Variants in CEP350 observed in about 807,000 individuals in gnomAD.
CEP350 encodes centrosome-associated protein 350.
A neutral mutation model predicts 331.8 loss-of-function variants in CEP350; 126 were observed. The observed-to-expected ratio is 0.38, with a 90% CI of 0.33 to 0.44. The LOEUF (loss-of-function observed/expected upper bound fraction) is 0.44, where lower values mean the gene tolerates loss of function less well. Among genes scored for constraint, CEP350 ranks in the 20% least tolerant of loss-of-function variants. The pLI is 1.00. For synonymous variants in CEP350, 1,200 were observed against 1,259.5 expected (o/e 0.95, Z 1.00); for missense variants, 3,406 against 3,634.6 (o/e 0.94, Z 1.62).
intron 21 of CEP350, among the ~76,000 whole-genome samples, chr1:180,045,096 C>G (rs1657035653): frequency 6.6e-6 from 1 of 152,068 alleles, no homozygotes; most frequent in African/African-American, 2.4e-5. Context: ...GATTCCAGCA[C>G]TTTGGGAGGC....
In CEP350 at chr1:180,041,642, T is replaced by A. The variant is rs1040468609; in HGVS notation, c.4222-20T>A. 21 of 1,597,886 alleles carry A rather than the reference T, an allele frequency of 1.3e-5. No individual in the cohort carries two copies. Among genetic ancestry groups the A allele is most frequent in the Non-Finnish European group, 1.8e-5 (21 of 1,173,076 alleles). Reference sequence around the variant, plus strand: ...GGAGATTAAAACATAACTTCTTTTTTAAACCCCTTTTATTTAAAGGTCCAT... The same window carrying A: ...GGAGATTAAAACATAACTTCTTTTTAAAACCCCTTTTATTTAAAGGTCCAT... On this transcript the variant is annotated intron_variant, in intron 18 of 37. Transcript: ENST00000367607.
chr1:180,048,080 C>T (rs1489038964), intron 21 of CEP350, among the ~76,000 whole-genome samples: 2 of 152,118 alleles, frequency 1.3e-5, no homozygotes, highest in Non-Finnish European at 2.9e-5. Flanking sequence ...TGGTCAACAT[C>T]TAATATTGCA....
intron 5 of CEP350, 129 bp from the exon 6 acceptor site, chr1:179,996,424 G>C: frequency 1.5e-6 from 1 of 653,182 alleles, no homozygotes; most frequent in Non-Finnish European, 2.6e-6. Context: ...GCTAAATCAA[G>C]TTATTTAACA....
At chr1:179,986,458 C>T (rs1652652151) in intron 2 of CEP350, among the ~76,000 whole-genome samples, 1 of 152,060 alleles carries the variant, frequency 6.6e-6, no homozygotes, top group Non-Finnish European at 1.5e-5. Flanking sequence ...AAGCAGGAAT[C>T]CTTTTTTAAA....
At chr1:180,041,032 G>A in intron 17 of CEP350, 106 bp from the exon 18 acceptor site, 1 of 782,258 alleles carries the variant, frequency 1.3e-6, no homozygotes, top group Non-Finnish European at 2.0e-6. Flanking sequence ...GTTCTAATTA[G>A]TTGCTTCAAA....
chr1:179,994,956 C>T (rs555477372), intron 5 of CEP350, among the ~76,000 whole-genome samples: 1 of 152,242 alleles, frequency 6.6e-6, no homozygotes, highest in South Asian at 2.1e-4. Context: ...TATGCTTTTA[C>T]CTGAAATGCC....
intron 1 of CEP350, among the ~76,000 whole-genome samples, chr1:179,972,274 G>A (rs1250653607): frequency 2.0e-5 from 3 of 152,088 alleles, no homozygotes; most frequent in Non-Finnish European, 2.9e-5. Flanking sequence ...AGAGTATAGT[G>A]TTAGAAGCAA....
chr1:179,987,772 A>G, intron 3 of CEP350, among the ~76,000 whole-genome samples: 1 of 151,618 alleles, frequency 6.6e-6, no homozygotes, highest in East Asian at 1.9e-4. Context: ...ACCAAAAAAC[A>G]AAATTTAGCC....
chr1:180,101,998 G>C (rs1437591224), intron 37 of CEP350, among the ~76,000 whole-genome samples: 1 of 152,160 alleles, frequency 6.6e-6, no homozygotes, highest in South Asian at 2.1e-4. Context: ...AAAGCTTCAT[G>C]ACATCAGCAT....
In CEP350 at chr1:180,006,489, A is replaced by T; in HGVS notation, c.1168A>T (p.Ser390Cys). 6.5e-7 allele frequency: 1 copy of T among 1,547,792 alleles called. No homozygotes were observed. The highest frequency in any genetic ancestry group is 8.8e-7 in the Non-Finnish European group (1 of 1,142,244). The change falls in exon 8 of 38, where the codon AGT becomes TGT. Residue 390 changes from serine to cysteine, a missense_variant. Ser to Cys is a moderately radical substitution (Grantham distance 112). Coordinates refer to ENST00000367607, the MANE Select transcript of CEP350 (RefSeq NM_014810.5). ...TATAAAGGAGAAACCTGCTGAAAAA[A>T]GTAAAGAGAAGAAAGTAGTCAAGCC... is the stretch of plus-strand genomic sequence containing the variant. ...ISIKEKPAEK[S>C]KEKKVVKPVR...
intron 34 of CEP350, 108 bp downstream of exon 34, chr1:180,094,724 T>A (rs1460082100): frequency 3.3e-6 from 4 of 1,216,096 alleles, no homozygotes; most frequent in Non-Finnish European, 4.5e-6. Context: ...CTGATAGGTT[T>A]TTTTTCCCTT....
intron 8 of CEP350, among the ~76,000 whole-genome samples, chr1:180,010,258 G>A (rs548316142): frequency 1.8e-4 from 28 of 151,964 alleles, no homozygotes; most frequent in Non-Finnish European, 3.5e-4. Context: ...AGTTACTTCC[G>A]ATACTATAAA....
chr1:180,057,006 G>C lies in CEP350; in HGVS notation c.5262+2504G>C, dbSNP rs536485577. On this transcript the variant is annotated intron_variant, in intron 25 of 37. Coordinates refer to ENST00000367607, the MANE Select transcript of CEP350 (RefSeq NM_014810.5). ...AGTCTATCCAGTGAGTTCTTAATTC[G>C]ATTTGTTTTCGTTCTATAATACCCA... Among the ~76,000 whole-genome samples, 30 of 151,880 alleles carry C rather than the reference G, an allele frequency of 2.0e-4. No homozygotes were observed. In the South Asian group the frequency reaches 6.0e-3, roughly 31 times the overall value.
At chr1:179,985,745 A>T (rs958657805) in intron 1 of CEP350, among the ~76,000 whole-genome samples, 5 of 124,590 alleles carry the variant, frequency 4.0e-5, no homozygotes, top group Non-Finnish European at 9.1e-5. Context: ...TTATCATGAG[A>T]ACAGCATAGG....
chr1:180,098,399 G>C (rs1660613550), intron 36 of CEP350, among the ~76,000 whole-genome samples: 1 of 152,092 alleles, frequency 6.6e-6, no homozygotes, highest in Non-Finnish European at 1.5e-5. Flanking sequence ...GGAGTGCAGT[G>C]GTGCAATCTC....
chr1:180,096,089 C>A lies in CEP350; in HGVS notation c.8971C>A (p.Pro2991Thr). 1 of 1,556,052 alleles carries A rather than the reference C, an allele frequency of 6.4e-7. No homozygotes were observed. Among genetic ancestry groups the A allele is most frequent in the Non-Finnish European group, 8.7e-7 (1 of 1,148,702 alleles). ...EIFEEIFAED[P>T]NLNQPVWMKP... ...TTTTGAGGAAATATTTGCTGAGGAT[C>A]CCAACTTAAATCAACCTGTCTGGAT... Residue 2991 changes from proline to threonine, a missense_variant, in exon 36 of 38, where the codon CCC becomes ACC. This residue lies in a region of CEP350 where 1,415 missense variants were observed against 1,512.3 expected (regional missense o/e 0.94). Transcript: ENST00000367607.
chr1:180,109,662 G>C (rs1661369981), intron 37 of CEP350, among the ~76,000 whole-genome samples: 1 of 151,916 alleles, frequency 6.6e-6, no homozygotes, highest in African/African-American at 2.4e-5. Context: ...TTTAGACGGA[G>C]TTTCACTCTG....
intron 16 of CEP350, among the ~76,000 whole-genome samples, chr1:180,034,554 C>T (rs999308803): frequency 8.6e-5 from 13 of 151,316 alleles, no homozygotes; most frequent in African/African-American, 3.2e-4. Context: ...AGCATGTGCT[C>T]ACTTCATGTC....
chr1:179,959,301 C>A (rs114706673), intron 1 of CEP350, among the ~76,000 whole-genome samples: 43 of 151,972 alleles, frequency 2.8e-4, no homozygotes, highest in African/African-American at 1.0e-3. Context: ...ACTAAAAATA[C>A]GAAAACTAGC....
Sources: gnomAD v4.1 joint callset for allele counts (sites outside exome capture counted in the v4.1 genomes callset) on GRCh38, gnomAD v4.1.1 for gene constraint, gnomAD v4.1.1 regional missense constraint, MANE v1.5 for transcripts, NCBI Gene and HGNC (gene_info 2026-07-23, HGNC 2026-07-21) for gene names.